Variants in STARD9 observed in about 807,000 individuals in gnomAD.
The protein encoded by STARD9 is stAR-related lipid transfer protein 9.
A neutral mutation model predicts 399.8 loss-of-function variants in STARD9; 346 were observed. That is an observed-to-expected ratio of 0.87 (90% CI 0.79 to 0.95). The LOEUF (loss-of-function observed/expected upper bound fraction) is 0.95. Among genes scored for constraint, STARD9 ranks in the 40% least tolerant of loss-of-function variants. STARD9 has a pLI of 0.00. For synonymous variants in STARD9, 2,203 were observed against 2,143.5 expected (o/e 1.03, Z -0.77); for missense variants, 5,832 against 5,667.5 (o/e 1.03, Z -0.93).
At chr15:42,700,481 C>T (rs908461317) in intron 26 of STARD9, among the ~76,000 whole-genome samples, 19 of 152,048 alleles carry the variant, frequency 1.2e-4, no homozygotes, top group African/African-American at 3.9e-4. Context: ...TTAGATGGAG[C>T]GAAGTGATAT....
chr15:42,681,542 A>G lies in STARD9; in HGVS notation c.1995A>G (p.Leu665=). 1 of 1,537,246 alleles carries G rather than the reference A, an allele frequency of 6.5e-7. No individual in the cohort carries two copies. The change falls in exon 21 of 33, where the codon CTA becomes CTG. Residue 665 remains leucine (L), a synonymous_variant. Transcript: ENST00000290607. The stretch of plus-strand genomic sequence containing the variant: ...TAGAGGATTTGAGGCATCAAATCCT[A>G]GCAGAAGAGATTCGAGCTGCGAAGG... The part of the protein sequence containing the change: ...SYVEDLRHQI[L]AEEIRAAKEL...
chr15:42,585,308 T>C (rs955898266), intron 2 of STARD9, among the ~76,000 whole-genome samples: 3 of 152,230 alleles, frequency 2.0e-5, no homozygotes, highest in Admixed American at 1.3e-4. Context: ...TAGGCAGATA[T>C]ATGATAGAAT....
rs78175317 is a variant in STARD9, at chr15:42,685,147, C to G, written c.3569C>G (p.Ser1190Ter). 6.5e-7 allele frequency: 1 copy of G among 1,537,088 alleles called. No homozygotes were observed. Among genetic ancestry groups the G allele is most frequent in the Non-Finnish European group, 8.7e-7 (1 of 1,146,930 alleles). The change falls in exon 23 of 33, where the codon TCA (serine) becomes TGA (stop). Residue 1190 changes from serine (S) to a stop codon, truncating the protein, a stop_gained. Transcript: ENST00000290607. LOFTEE classifies it high-confidence loss of function. ...TCTGTGAGGGGCTTCACTGCAGCCT[C>G]AGACAGTGACCTACTTGCTCAAACT... The part of the protein sequence containing the change: ...RASVRGFTAA[S>*]DSDLLAQTHR...
intron 4 of STARD9, among the ~76,000 whole-genome samples, chr15:42,635,728 G>C (rs1293583149): frequency 6.6e-6 from 1 of 152,182 alleles, no homozygotes. Context: ...CTTATCTCCA[G>C]GTTCATTATT....
intron 20 of STARD9, among the ~76,000 whole-genome samples, chr15:42,678,292 A>G (rs2060354281): frequency 1.3e-5 from 2 of 152,174 alleles, no homozygotes; most frequent in South Asian, 4.2e-4. Flanking sequence ...CTGCTCTTGG[A>G]TGTGGTTGGC....
At chr15:42,697,286 A>G (rs2060865568) in intron 26 of STARD9, among the ~76,000 whole-genome samples, 1 of 152,124 alleles carries the variant, frequency 6.6e-6, no homozygotes, top group African/African-American at 2.4e-5. Context: ...TTATTTTAAG[A>G]GCCAGGATTT....
At chr15:42,634,489 C>T (rs921119505) in intron 3 of STARD9, among the ~76,000 whole-genome samples, 1 of 152,186 alleles carries the variant, frequency 6.6e-6, no homozygotes, top group African/African-American at 2.4e-5. Flanking sequence ...TATTTCACTG[C>T]AGCTTTACCT....
At position 42,689,898 on chromosome 15, in the gene STARD9, C is replaced by A. The variant is rs763208094; in HGVS notation, c.8320C>A (p.Pro2774Thr). Residue 2774 changes from proline (P) to threonine (T), a missense_variant, in exon 23 of 33, where the codon CCT (proline) becomes ACT (threonine). Coordinates refer to ENST00000290607, the MANE Select transcript of STARD9 (RefSeq NM_020759.3). ...VPQETAEGIP[P>T]GSQDSSPEHQ... is the part of the protein sequence containing the mutation. ...GCAGGAGACTGCAGAGGGCATACCC[C>A]CTGGCAGTCAGGACAGCAGCCCAGA... The A allele has an allele frequency of 1.7e-5, 26 of 1,537,616 alleles. No homozygotes were observed. Among genetic ancestry groups the A allele is most frequent in the South Asian group, 4.8e-5 (4 of 84,060 alleles).
chr15:42,701,230 T>G (rs1178552595), intron 26 of STARD9, among the ~76,000 whole-genome samples: 1 of 152,202 alleles, frequency 6.6e-6, no homozygotes, highest in Non-Finnish European at 1.5e-5. Context: ...TTTGGCTGTT[T>G]GGGGTCTTTT....
At chr15:42,698,146 A>G (rs530556614) in intron 26 of STARD9, among the ~76,000 whole-genome samples, 1 of 152,324 alleles carries the variant, frequency 6.6e-6, no homozygotes, top group Admixed American at 6.5e-5. Flanking sequence ...TTTACCCAGT[A>G]TTCTAACTTG....
chr15:42,687,081 T>C lies in STARD9; in HGVS notation c.5503T>C (p.Cys1835Arg), dbSNP rs1486927764. The stretch of plus-strand genomic sequence containing the variant: ...GGAAGTCATCAGAGAATCAGGTAAA[T>C]GCCCTGGAAATATTACAGAAGAAAG... Reference protein sequence around the residue: ...TREVIRESGKCPGNITEESHD... With the variant: ...TREVIRESGKRPGNITEESHD... The change falls in exon 23 of 33, where the codon TGC (cysteine) becomes CGC (arginine). Residue 1835 changes from cysteine to arginine, a missense_variant. This residue lies in a region of STARD9 where 5,828 missense variants were observed against 5,651.1 expected (regional missense o/e 1.03). Transcript: ENST00000290607. The C allele has an allele frequency of 6.5e-7, 1 of 1,537,114 alleles. No individual in the cohort carries two copies. The highest frequency in any genetic ancestry group is 8.7e-7 in the Non-Finnish European group (1 of 1,146,926).
intron 1 of STARD9, among the ~76,000 whole-genome samples, chr15:42,582,972 G>A (rs1199332034): frequency 2.0e-5 from 3 of 152,182 alleles, no homozygotes; most frequent in Admixed American, 6.5e-5. Context: ...GTGTGACCTT[G>A]GACAAGTTAC....
At chr15:42,605,389 T>C (rs954593286) in intron 3 of STARD9, among the ~76,000 whole-genome samples, 1 of 152,116 alleles carries the variant, frequency 6.6e-6, no homozygotes, top group Non-Finnish European at 1.5e-5. Flanking sequence ...AAGCCTGAAA[T>C]CAAATGGTGA....
chr15:42,629,018 T>C (rs2059278878), intron 3 of STARD9, among the ~76,000 whole-genome samples: 1 of 152,108 alleles, frequency 6.6e-6, no homozygotes, highest in African/African-American at 2.4e-5. Context: ...CTACCCCAGT[T>C]AAATTTCTTT....
intron 3 of STARD9, among the ~76,000 whole-genome samples, chr15:42,589,176 A>T (rs1358277504): frequency 1.3e-5 from 2 of 152,026 alleles, no homozygotes; most frequent in Non-Finnish European, 2.9e-5. Flanking sequence ...TATAATTTAG[A>T]TATAGTGAAA....
chr15:42,621,786 A>G (rs1181623101), intron 3 of STARD9, among the ~76,000 whole-genome samples: 1 of 152,214 alleles, frequency 6.6e-6, no homozygotes, highest in Non-Finnish European at 1.5e-5. Flanking sequence ...GCTAAACTTA[A>G]CAATTGTGAT....
intron 26 of STARD9, 62 bp downstream of exon 26, chr15:42,695,942 A>G: frequency 1.3e-6 from 2 of 1,492,868 alleles, no homozygotes; most frequent in Non-Finnish European, 1.8e-6. Context: ...GAGTTTGAGC[A>G]GGACGCTGTG....
At position 42,717,730 on chromosome 15, in the gene STARD9, G is replaced by A; in HGVS notation, c.13495-1G>A. On this transcript the variant is annotated splice_acceptor_variant, in intron 28 of 32. Coordinates refer to ENST00000290607, the MANE Select transcript of STARD9 (RefSeq NM_020759.3). LOFTEE classifies it high-confidence loss of function. ...TTTGGGTGTGGCCATTGTGTCCCCA[G>A]GTAATGGCTGCTTGTTCGGATAATT... 3 of 1,537,192 alleles carry A rather than the reference G, an allele frequency of 2.0e-6. No individual in the cohort carries two copies. Among genetic ancestry groups the A allele is most frequent in the East Asian group, 2.4e-5 (1 of 40,918 alleles).
chr15:42,685,386 C>T lies in STARD9; in HGVS notation c.3808C>T (p.Pro1270Ser), dbSNP rs1196642608. ...AGCAGCTAGGCTGGATGCCGTCCTGCCAATGAGCAGTTCGTTTTACCTTGA... is the reference window on the plus strand; with the variant it reads ...AGCAGCTAGGCTGGATGCCGTCCTGTCAATGAGCAGTTCGTTTTACCTTGA... The part of the protein sequence containing the change: ...RTAARLDAVL[P>S]MSSSFYLDPQ... Residue 1270 changes from proline to serine, a missense_variant, in exon 23 of 33, where the codon CCA (proline) becomes TCA (serine). Physicochemically the swap from Pro to Ser is moderately conservative, Grantham distance 74 (BLOSUM62 -1). This residue lies in a region of STARD9 where 5,828 missense variants were observed against 5,651.1 expected (regional missense o/e 1.03). Transcript: ENST00000290607. The T allele has an allele frequency of 2.0e-6, 3 of 1,537,192 alleles. No homozygotes were observed. The highest frequency in any genetic ancestry group is 3.9e-5 in the Admixed American group (2 of 50,992).
Sources: gnomAD v4.1 joint callset for allele counts (sites outside exome capture counted in the v4.1 genomes callset) on GRCh38, gnomAD v4.1.1 for gene constraint, gnomAD v4.1.1 regional missense constraint, MANE v1.5 for transcripts, NCBI Gene and HGNC (gene_info 2026-07-23, HGNC 2026-07-21) for gene names.